Variants in CFAP77 observed in about 807,000 individuals in gnomAD.
CFAP77 encodes cilia- and flagella-associated protein 77.
A neutral mutation model predicts 31.1 loss-of-function variants in CFAP77; 25 were observed. That is an observed-to-expected ratio of 0.80 (90% CI 0.59 to 1.12). CFAP77 has a LOEUF of 1.12. CFAP77 is among the 50% of genes most tolerant of loss of function. CFAP77 has a pLI of 0.00. For missense variants in CFAP77, 377 were observed against 397.3 expected, an observed-to-expected ratio of 0.95 and a Z score of 0.44; for synonymous variants, 151 against 159.9, an observed-to-expected ratio of 0.94 and a Z score of 0.42.
intron 5 of CFAP77, among the ~76,000 whole-genome samples, chr9:132,550,269 T>C (rs7857471): frequency 0.01 from 1,594 of 152,374 alleles, 19 homozygotes; most frequent in African/African-American, 0.035. Flanking sequence ...TTTCGGTTTT[T>C]TGTTGAAAAT....
Position 132,537,593 on chromosome 9 carries a change from C to A in CFAP77, c.525-8C>A. 1 of 1,605,102 alleles carries A rather than the reference C, an allele frequency of 6.2e-7. No homozygotes were observed. The highest frequency in any genetic ancestry group is 1.1e-5 in the South Asian group (1 of 89,584). ...GCCTCAAGCTCTGTCTGGACTTCTTCCCTCCAGGCCTTCCACACCCTTCTT... is the reference window on the plus strand; with the variant it reads ...GCCTCAAGCTCTGTCTGGACTTCTTACCTCCAGGCCTTCCACACCCTTCTT... On this transcript the variant is annotated splice_polypyrimidine_tract_variant and splice_region_variant and intron_variant, in intron 3 of 5. Transcript: ENST00000393216.
intron 1 of CFAP77, among the ~76,000 whole-genome samples, chr9:132,418,796 C>T (rs1324121167): frequency 6.6e-6 from 1 of 152,186 alleles, no homozygotes; most frequent in African/African-American, 2.4e-5. Flanking sequence ...GCTTTGTTTC[C>T]CTGGTGCACC....
intron 1 of CFAP77, among the ~76,000 whole-genome samples, chr9:132,444,519 G>A (rs1850671846): frequency 6.6e-6 from 1 of 152,192 alleles, no homozygotes; most frequent in Non-Finnish European, 1.5e-5. Context: ...GGCCCCACAG[G>A]TTCAGGAGGT....
rs1196444968 is a variant in CFAP77 at position 132,559,013 on chromosome 9, C to CA, written c.733-13364dup. Among the ~76,000 whole-genome samples the CA allele has an allele frequency of 3.4e-3, 473 of 139,460 alleles. 2 individuals carry two copies. The highest frequency in any genetic ancestry group is 0.023 in the Middle Eastern group (6 of 262). 91.5% of individuals were successfully genotyped at this position (139,460 alleles called of 152,430 possible). ...TAGGTGACAGAGCAAGACTCTGTCT[C>CA]AAAAAAAAAAATCAGTAATAAAAAG... On this transcript the variant is annotated intron_variant, in intron 5 of 5. Transcript: ENST00000393216.
At chr9:132,494,188 A>C (rs1183177444) in intron 1 of CFAP77, among the ~76,000 whole-genome samples, 1 of 152,164 alleles carries the variant, frequency 6.6e-6, no homozygotes, top group Non-Finnish European at 1.5e-5. Context: ...CCGGGATTAC[A>C]GGCGTGAGCC....
At position 132,544,490 on chromosome 9, in the gene CFAP77, A is replaced by ATT. The variant is rs57022259; in HGVS notation, c.732+1465_732+1466dup. On this transcript the variant is annotated intron_variant, in intron 5 of 5. Transcript: ENST00000393216. Reference sequence around the variant, plus strand: ...TGGCTGTGGTCTTTCCTCACTGCCTATTTTTTTTTTTTTTTTTTTTTTTAA... The same window carrying ATT: ...TGGCTGTGGTCTTTCCTCACTGCCTATTTTTTTTTTTTTTTTTTTTTTTTTAA... Among the ~76,000 whole-genome samples the ATT allele has an allele frequency of 3.2e-3, 357 of 111,848 alleles. 3 individuals carry two copies. The highest frequency in any genetic ancestry group is 0.012 in the East Asian group (47 of 3,960). 73.4% of individuals were successfully genotyped at this position (111,848 alleles called of 152,430 possible).
In CFAP77 at chr9:132,554,214, G is replaced by A. The variant is rs1032288368; in HGVS notation, c.732+11167G>A. The stretch of plus-strand genomic sequence containing the variant: ...CTTCTGTTGTGGAAAAAACATGCTC[G>A]ACGTGATGGAATGTGCTCCGTTTGG... On this transcript the variant is annotated intron_variant, in intron 5 of 5. Transcript: ENST00000393216. The surrounding 1 kb of genome is among the most constrained non-coding windows in gnomAD (Gnocchi z 4.1). Among the ~76,000 whole-genome samples the A allele has an allele frequency of 1.3e-5, 2 of 152,184 alleles. No individual in the cohort carries two copies. The highest frequency in any genetic ancestry group is 2.9e-5 in the Non-Finnish European group (2 of 68,030).
chr9:132,561,369 C>A (rs1055057036), intron 5 of CFAP77, among the ~76,000 whole-genome samples: 1 of 151,566 alleles, frequency 6.6e-6, no homozygotes, highest in Non-Finnish European at 1.5e-5. Context: ...CTGTTTTCCC[C>A]CCCCAAATCC....
intron 3 of CFAP77, among the ~76,000 whole-genome samples, chr9:132,504,253 C>T (rs1851898526): frequency 6.6e-6 from 1 of 152,216 alleles, no homozygotes; most frequent in South Asian, 2.1e-4. Flanking sequence ...TTCCTTGGAA[C>T]CGATGTGCAG....
At chr9:132,429,273 T>G (rs1172067350) in intron 1 of CFAP77, among the ~76,000 whole-genome samples, 2 of 151,790 alleles carry the variant, frequency 1.3e-5, no homozygotes, top group Admixed American at 6.6e-5. Flanking sequence ...AGGCATGGTG[T>G]CTCACACCTG....
At chr9:132,502,240 A>C (rs1589890628) in intron 3 of CFAP77, among the ~76,000 whole-genome samples, 1 of 132,402 alleles carries the variant, frequency 7.6e-6, no homozygotes, top group African/African-American at 3.0e-5. Context: ...CCTTCCTTTG[A>C]CTGTGCCATC....
At chr9:132,512,167 C>A (rs1023864703) in intron 3 of CFAP77, among the ~76,000 whole-genome samples, 1 of 152,288 alleles carries the variant, frequency 6.6e-6, no homozygotes, top group South Asian at 2.1e-4. Flanking sequence ...GGAGGGTCTC[C>A]GACCTCCTCC....
intron 3 of CFAP77, among the ~76,000 whole-genome samples, chr9:132,536,061 A>G (rs1007984473): frequency 6.6e-6 from 1 of 152,098 alleles, no homozygotes; most frequent in African/African-American, 2.4e-5. Flanking sequence ...TATGCATCAT[A>G]TATATATGAT....
Position 132,499,282 on chromosome 9 carries a change from C to A in CFAP77, c.296-90C>A. 8.6e-7 allele frequency: 1 copy of A among 1,159,196 alleles called. No homozygotes were observed. The highest frequency in any genetic ancestry group is 1.2e-6 in the Non-Finnish European group (1 of 801,290). 71.8% of individuals were successfully genotyped at this position (1,159,196 alleles called of 1,614,324 possible). ...CTCAGGTAAATGGGAAGGCCGAGGACCCGCGTGCCCCCATTTCTTCTCGAT... is the reference window on the plus strand; with the variant it reads ...CTCAGGTAAATGGGAAGGCCGAGGAACCGCGTGCCCCCATTTCTTCTCGAT... On this transcript the variant is annotated intron_variant, in intron 2 of 5. Coordinates refer to ENST00000393216, the MANE Select transcript of CFAP77 (RefSeq NM_001282957.2). This position sits in a 1 kb window ranked among gnomAD's most constrained non-coding sequence, Gnocchi z 5.4.
At position 132,442,489 on chromosome 9, in the gene CFAP77, G is replaced by A. The variant is rs142161694; in HGVS notation, c.195+32023G>A. On this transcript the variant is annotated intron_variant, in intron 1 of 5. Transcript: ENST00000393216. ...GATCGCTTGAGCCCCGGAGGCAGAG[G>A]GTGCAGTGAGCTGAGATCGAGCCAC... Among the ~76,000 whole-genome samples, 802 of 152,144 alleles carry A rather than the reference G, an allele frequency of 5.3e-3. 17 individuals are homozygous for A. The highest frequency in any genetic ancestry group is 0.018 in the African/African-American group (763 of 41,516).
intron 1 of CFAP77, among the ~76,000 whole-genome samples, chr9:132,438,982 T>C (rs1850567901): frequency 6.8e-6 from 1 of 148,088 alleles, no homozygotes; most frequent in Non-Finnish European, 1.5e-5. Context: ...TTCAAGCGAT[T>C]CTCCCACCTC....
In CFAP77 at chr9:132,529,593, G is replaced by A. The variant is rs576606509; in HGVS notation, c.525-8008G>A. Among the ~76,000 whole-genome samples the A allele has an allele frequency of 1.1e-4, 16 of 151,484 alleles. 1 individual carries two copies. Among genetic ancestry groups the A allele is most frequent in the South Asian group, 2.1e-4 (1 of 4,786 alleles). ...TGTAATCCCAGCATTTTGGGAGGCC[G>A]AGGCGGACGGATCACGAGGTCAGGA... On this transcript the variant is annotated intron_variant, in intron 3 of 5. Transcript: ENST00000393216.
rs371404789 is a variant in CFAP77, at chr9:132,567,057, G to T, written c.733-5331G>T. Among the ~76,000 whole-genome samples the T allele has an allele frequency of 1.9e-3, 292 of 152,346 alleles. 6 individuals are homozygous for T. The South Asian group carries it at 0.057, about 30-fold the overall frequency. On this transcript the variant is annotated intron_variant, in intron 5 of 5. Transcript: ENST00000393216. Reference sequence around the variant, plus strand: ...CGAGCAGACCCTGCTTCATAGAGGAGGAGCCCTTCCTTGAGCTCCCTTCTG... The same window carrying T: ...CGAGCAGACCCTGCTTCATAGAGGATGAGCCCTTCCTTGAGCTCCCTTCTG...
chr9:132,411,558 C>T (rs962912321), intron 1 of CFAP77, among the ~76,000 whole-genome samples: 2 of 152,162 alleles, frequency 1.3e-5, no homozygotes, highest in African/African-American at 4.8e-5. Flanking sequence ...CACACTCGTG[C>T]CTTTCCATCG....
Sources: allele counts gnomAD v4.1 joint callset (sites outside exome capture counted in the v4.1 genomes callset), GRCh38; gene constraint gnomAD v4.1.1; non-coding constraint Gnocchi (gnomAD v3.1); transcripts MANE v1.5; gene names NCBI Gene and HGNC (gene_info 2026-07-23, HGNC 2026-07-21).